EIF3H: variants seen among roughly 807,000 people sequenced by gnomAD.
EIF3H encodes the protein eIF-3-gamma.
In EIF3H, 26 loss-of-function variants were observed where a neutral mutation model predicts 44.2. That is an observed-to-expected ratio of 0.59 (90% CI 0.43 to 0.82). EIF3H has a LOEUF of 0.82. EIF3H is among the 40% of genes least tolerant of loss of function. EIF3H has a pLI of 0.00. For synonymous variants in EIF3H, 166 were observed against 151.9 expected, an observed-to-expected ratio of 1.09 and a Z score of -0.68; for missense variants, 359 against 432.8, an observed-to-expected ratio of 0.83 and a Z score of 1.51.
At chr8:116,677,862 A>T (rs1462732251) in intron 2 of EIF3H, among the ~76,000 whole-genome samples, 1 of 152,218 alleles carries the variant, frequency 6.6e-6, no homozygotes, top group African/African-American at 2.4e-5. Flanking sequence ...TGAAAGAAAA[A>T]ATATTTGTTT....
chr8:116,723,605 T>G (rs1363596957), intron 2 of EIF3H, among the ~76,000 whole-genome samples: 30 of 152,346 alleles, frequency 2.0e-4, no homozygotes, highest in Non-Finnish European at 2.9e-5. Context: ...TTTGTGTTTA[T>G]TATATGCTCA....
chr8:116,658,492 G>A (rs897274086), intron 3 of EIF3H: 2 of 234,112 alleles, frequency 8.5e-6, no homozygotes, highest in East Asian at 2.1e-4. Flanking sequence ...TACAGAGCCA[G>A]ACACTCTAGC....
At position 116,712,769 on chromosome 8, in the gene EIF3H, C is replaced by G. The variant is rs556966479; in HGVS notation, c.289+13247G>C. Among the ~76,000 whole-genome samples the G allele has an allele frequency of 8.5e-5, 13 of 152,156 alleles. No homozygotes were observed. The South Asian group carries it at 2.1e-3, about 24-fold the overall frequency. ...AATATAAAGCAAACAGAACACTTTA[C>G]TGGCATAACTAAGATAGCACTCTTT... On this transcript the variant is annotated intron_variant, in intron 2 of 7. Transcript: ENST00000521861.
At chr8:116,735,792 G>A (rs1280552124) in intron 1 of EIF3H, among the ~76,000 whole-genome samples, 1 of 151,140 alleles carries the variant, frequency 6.6e-6, no homozygotes, top group African/African-American at 2.4e-5. Flanking sequence ...AGGCGATTTG[G>A]GCATGCAGAA....
At chr8:116,666,205 T>C (rs1813662867) in intron 2 of EIF3H, among the ~76,000 whole-genome samples, 1 of 152,220 alleles carries the variant, frequency 6.6e-6, no homozygotes, top group Non-Finnish European at 1.5e-5. Context: ...ATGTCTTCTT[T>C]AAAGTGTTTA....
intron 2 of EIF3H, among the ~76,000 whole-genome samples, chr8:116,699,738 G>C (rs1411680045): frequency 6.6e-6 from 1 of 152,182 alleles, no homozygotes; most frequent in Non-Finnish European, 1.5e-5. Context: ...TGAATGCATA[G>C]GCGCCCTAAT....
chr8:116,643,175 T>C lies in EIF3H; in HGVS notation c.*1831A>G, dbSNP rs1813249455. 1 of 152,262 alleles carries C rather than the reference T, an allele frequency of 6.6e-6. No individual in the cohort carries two copies. Among genetic ancestry groups the C allele is most frequent in the Non-Finnish European group, 1.5e-5 (1 of 68,050 alleles). The allele number at this position is 152,262 out of a possible 1,614,324, so 9.4% of individuals were successfully genotyped here. A position where few individuals can be genotyped will look rare whatever the true frequency, so the allele number is the denominator to read the frequency against. ...ATATACTCCACAAGGGCAGGGGCCA[T>C]GGCCAGTTTTACCTGTTAATATATC... On this transcript the variant is annotated 3_prime_UTR_variant, in exon 8 of 8. Transcript: ENST00000521861.
intron 1 of EIF3H, among the ~76,000 whole-genome samples, chr8:116,745,357 C>A (rs908554625): frequency 3.3e-5 from 5 of 152,148 alleles, no homozygotes; most frequent in Admixed American, 3.3e-4. Flanking sequence ...GAAGGCCATT[C>A]ACTATCTTCA....
At chr8:116,678,863 G>T (rs1333538102) in intron 2 of EIF3H, among the ~76,000 whole-genome samples, 17 of 130,566 alleles carry the variant, frequency 1.3e-4, no homozygotes, top group African/African-American at 4.8e-4. Flanking sequence ...GAGGGAGGTG[G>T]GGGGGGGTCA....
rs778688478 is a variant in EIF3H at position 116,726,010 on chromosome 8, C to A, written c.289+6G>T. On this transcript the variant is annotated splice_donor_region_variant and intron_variant, in intron 2 of 7. Coordinates refer to ENST00000521861, the MANE Select transcript of EIF3H (RefSeq NM_003756.3). ...GCAAAGACACACTTGTGATGAACAC[C>A]CTTACCTTCATCAAAGTCAGCATCA... The A allele has an allele frequency of 2.5e-6, 4 of 1,612,958 alleles. No individual in the cohort carries two copies. The South Asian group carries it at 4.4e-5, about 18-fold the overall frequency.
rs1815534631 is a variant in EIF3H, at chr8:116,763,108, G to A, written c.-27+2407C>T. ...CTATTATGTTATATTTGGTGGTTTT[G>A]TGAGAAATGTCATGCAGCCATTAAA... On this transcript the variant is annotated intron_variant, in intron 1 of 9. Transcript: ENST00000276682. Among the ~76,000 whole-genome samples the A allele has an allele frequency of 1.3e-5, 2 of 152,194 alleles. 1 individual carries two copies. The highest frequency in any genetic ancestry group is 4.1e-4 in the South Asian group (2 of 4,834).
chr8:116,732,710 A>T (rs1025065195), intron 1 of EIF3H, among the ~76,000 whole-genome samples: 7 of 152,066 alleles, frequency 4.6e-5, no homozygotes, highest in African/African-American at 1.7e-4. Flanking sequence ...GACTTTTCAG[A>T]TCAGTCACCT....
At chr8:116,732,983 C>T (rs1373870532) in intron 1 of EIF3H, among the ~76,000 whole-genome samples, 1 of 152,176 alleles carries the variant, frequency 6.6e-6, no homozygotes, top group Non-Finnish European at 1.5e-5. Context: ...AGGACACAGT[C>T]CTACAAGACT....
chr8:116,737,745 A>G (rs1408280231), intron 1 of EIF3H: 1 of 153,072 alleles, frequency 6.5e-6, no homozygotes, highest in Non-Finnish European at 1.5e-5. Flanking sequence ...TGAATGAAGA[A>G]CAATGAGGCC....
At chr8:116,668,891 AG>A (rs1813709252) in intron 2 of EIF3H, among the ~76,000 whole-genome samples, 1 of 152,192 alleles carries the variant, frequency 6.6e-6, no homozygotes, top group Non-Finnish European at 1.5e-5. Context: ...CTTAGAACCC[AG>A]GTACTATGAT....
chr8:116,725,265 C>T (rs905167464), intron 2 of EIF3H, among the ~76,000 whole-genome samples: 13 of 152,010 alleles, frequency 8.6e-5, no homozygotes, highest in African/African-American at 2.9e-4. Flanking sequence ...ATGGTGGTTG[C>T]GGGGATGAAA....
At position 116,657,274 on chromosome 8, in the gene EIF3H, T is replaced by G. The variant is rs200856347; in HGVS notation, c.498A>C (p.Ala166=). The part of the protein sequence containing the change: ...KTAQGSLSLK[A]YRLTPKLMEV... Reference sequence around the variant, plus strand: ...CCATCAGTTTAGGAGTCAGTCTGTATGCCTTTAGTGAGAGAGATCCTTGGG... The same window carrying G: ...CCATCAGTTTAGGAGTCAGTCTGTAGGCCTTTAGTGAGAGAGATCCTTGGG... Residue 166 remains alanine (A), a synonymous_variant, in exon 4 of 8, where the codon GCA becomes GCC. Coordinates refer to ENST00000521861, the MANE Select transcript of EIF3H (RefSeq NM_003756.3). 4 of 1,613,700 alleles carry G rather than the reference T, an allele frequency of 2.5e-6. No homozygotes were observed. Among genetic ancestry groups the G allele is most frequent in the Non-Finnish European group, 3.4e-6 (4 of 1,179,752 alleles).
At chr8:116,673,914 C>CA (rs1247170380) in intron 2 of EIF3H, among the ~76,000 whole-genome samples, 2 of 151,582 alleles carry the variant, frequency 1.3e-5, no homozygotes, top group East Asian at 2.0e-4. Flanking sequence ...ACTAAAAATA[C>CA]AAAAAATTAG....
intron 5 of EIF3H, among the ~76,000 whole-genome samples, chr8:116,652,234 TACTC>T: frequency 6.6e-6 from 1 of 152,298 alleles, no homozygotes; most frequent in South Asian, 2.1e-4. Context: ...GAGTCTAAAA[TACTC>T]AGTGACATAG....
Sources: gnomAD v4.1 joint callset for allele counts (sites outside exome capture counted in the v4.1 genomes callset) on GRCh38, gnomAD v4.1.1 for gene constraint, MANE v1.5 for transcripts, NCBI Gene and HGNC (gene_info 2026-07-23, HGNC 2026-07-21) for gene names.